LARGE1: variants seen among roughly 807,000 people sequenced by gnomAD.
LARGE1 encodes xylosyl- and glucuronyltransferase LARGE1.
Under a neutral mutation model 87.6 loss-of-function variants are expected in LARGE1, and 43 were observed. The ratio of observed to expected loss-of-function variants is 0.49; its 90% CI spans 0.38 to 0.63. The LOEUF is 0.63. Among genes scored for constraint, LARGE1 ranks in the 30% least tolerant of loss-of-function variants. LARGE1 has a pLI of 0.00. For synonymous variants in LARGE1, 434 were observed against 394.6 expected, an observed-to-expected ratio of 1.10 and a Z score of -1.18; for missense variants, 802 against 1,000.2, an observed-to-expected ratio of 0.80 and a Z score of 2.67.
In LARGE1 at chr22:33,274,476, C is replaced by T. The variant is rs747003834; in HGVS notation, c.2222G>A (p.Arg741His). The stretch of plus-strand genomic sequence containing the variant: ...ATATTTCAGGGCAGCAAAGCCGTAG[C>T]GGCGGGACATGTCCTGCTGAAACTC... Reference protein sequence around the residue: ...KEEFQQDMSRRYGFAALKYLT... With the variant: ...KEEFQQDMSRHYGFAALKYLT... The change falls in exon 15 of 15, where the codon CGC (arginine) becomes CAC (histidine). Residue 741 changes from arginine (R) to histidine (H), a missense_variant. Physicochemically the swap from Arg to His is conservative, Grantham distance 29 (BLOSUM62 0). Coordinates refer to ENST00000397394, the MANE Select transcript of LARGE1 (RefSeq NM_133642.5). 53 of 1,614,034 alleles carry T rather than the reference C, an allele frequency of 3.3e-5. No individual in the cohort carries two copies. Among genetic ancestry groups the T allele is most frequent in the African/African-American group, 6.7e-5 (5 of 74,904 alleles).
chr22:33,230,503 C>G (rs912462943), intron 11 of LARGE1, among the ~76,000 whole-genome samples: 1 of 152,100 alleles, frequency 6.6e-6, no homozygotes, highest in Non-Finnish European at 1.5e-5. Context: ...ATTTATAAAC[C>G]TAGAATTTGC....
chr22:33,781,872 G>A (rs1008346362), intron 1 of LARGE1, among the ~76,000 whole-genome samples: 1 of 152,094 alleles, frequency 6.6e-6, no homozygotes, highest in Non-Finnish European at 1.5e-5. Flanking sequence ...CAGCTCCGTG[G>A]ATAACAGAAA....
At chr22:33,112,516 G>A in the LARGE1 span, among the ~76,000 whole-genome samples, 23 of 152,330 alleles carry the variant, frequency 1.5e-4, no homozygotes, top group South Asian at 8.3e-4. Flanking sequence ...ATCACAGGGC[G>A]CATTCGGGGC....
chr22:33,449,456 T>A (rs1435856017), intron 6 of LARGE1, among the ~76,000 whole-genome samples: 1 of 152,190 alleles, frequency 6.6e-6, no homozygotes, highest in Non-Finnish European at 1.5e-5. Context: ...TCCACAGGTG[T>A]GGGTTTTAGA....
the LARGE1 span, among the ~76,000 whole-genome samples, chr22:33,074,945 T>G: frequency 2.6e-5 from 4 of 152,220 alleles, no homozygotes; most frequent in East Asian, 7.7e-4. Flanking sequence ...AACATAGGCA[T>G]GTGATAGTTA....
At chr22:33,311,735 A>G (rs1354562934) in intron 11 of LARGE1, among the ~76,000 whole-genome samples, 1 of 152,134 alleles carries the variant, frequency 6.6e-6, no homozygotes, top group East Asian at 1.9e-4. Context: ...AATAACTATC[A>G]TGTGCACATG....
At chr22:33,583,575 G>C (rs985805823) in intron 5 of LARGE1, among the ~76,000 whole-genome samples, 2 of 152,112 alleles carry the variant, frequency 1.3e-5, no homozygotes, top group African/African-American at 2.4e-5. Flanking sequence ...TAGAACCTCG[G>C]AAAGAAATTT....
the LARGE1 span, among the ~76,000 whole-genome samples, chr22:33,138,365 CTTGCTT>C: frequency 1.3e-5 from 2 of 152,120 alleles, no homozygotes; most frequent in Non-Finnish European, 2.9e-5. Context: ...AAGTAACTAA[CTTGCTT>C]TTGATTTTAC....
rs776598184 is a variant in LARGE1 at position 33,650,454 on chromosome 22, G to T, written c.321C>A (p.Gly107=). 5.0e-6 allele frequency: 8 copies of T among 1,614,014 alleles called. No homozygotes were observed. In the East Asian group the frequency reaches 1.6e-4, roughly 31 times the overall value. Reference sequence around the variant, plus strand: ...CCCGAAGGTTCTCGCTGTCTCCAGTGCCCTCCTCCATGGAGTAGGTCTTGG... The same window carrying T: ...CCCGAAGGTTCTCGCTGTCTCCAGTTCCCTCCTCCATGGAGTAGGTCTTGG... ...NHSKTYSMEE[G]TGDSENLRAG... Residue 107 remains glycine, a synonymous_variant, in exon 3 of 15, where the codon GGC becomes GGA. Coordinates refer to ENST00000397394, the MANE Select transcript of LARGE1 (RefSeq NM_133642.5).
At chr22:33,846,875 CA>C (rs1244390974) in intron 1 of LARGE1, among the ~76,000 whole-genome samples, 1 of 152,174 alleles carries the variant, frequency 6.6e-6, no homozygotes, top group East Asian at 1.9e-4. Flanking sequence ...TTATCAATGA[CA>C]ATGGTGCCCG....
intron 11 of LARGE1, among the ~76,000 whole-genome samples, chr22:33,234,082 T>C (rs975469301): frequency 2.0e-5 from 3 of 152,220 alleles, no homozygotes; most frequent in Admixed American, 6.5e-5. Context: ...AGCAAATTAA[T>C]CTACAAAAGT....
At chr22:33,451,055 C>T (rs8140106) in intron 6 of LARGE1, among the ~76,000 whole-genome samples, 50,323 of 152,018 alleles carry the variant, frequency 0.33, 9,058 homozygotes, top group African/African-American at 0.46. Context: ...CTGCCCTCTT[C>T]GGAGAGAATT....
intron 4 of LARGE1, among the ~76,000 whole-genome samples, chr22:33,606,268 G>C (rs1255334145): frequency 1.3e-5 from 2 of 151,984 alleles, no homozygotes; most frequent in Non-Finnish European, 2.9e-5. Context: ...AGCCTGGTGT[G>C]GTGGCACATG....
chr22:33,156,629 C>T, the LARGE1 span, among the ~76,000 whole-genome samples: 2 of 152,238 alleles, frequency 1.3e-5, no homozygotes, highest in South Asian at 4.2e-4. Context: ...GTGGAAGGGA[C>T]TTGCCTTGTC....
chr22:33,476,948 G>C (rs2069107905), intron 6 of LARGE1, among the ~76,000 whole-genome samples: 1 of 152,208 alleles, frequency 6.6e-6, no homozygotes, highest in Non-Finnish European at 1.5e-5. Context: ...CTTCGGCTCG[G>C]TGACAATTGC....
chr22:33,578,882 G>C (rs1311319230), intron 5 of LARGE1, among the ~76,000 whole-genome samples: 1 of 152,158 alleles, frequency 6.6e-6, no homozygotes, highest in Admixed American at 6.5e-5. Context: ...ACTGTTAGCA[G>C]AAACAAACAT....
At chr22:33,266,337 T>G (rs1462582881) in intron 11 of LARGE1, among the ~76,000 whole-genome samples, 1 of 149,516 alleles carries the variant, frequency 6.7e-6, no homozygotes. Flanking sequence ...TTATCCTGCC[T>G]CAGCCTCCCG....
intron 11 of LARGE1, among the ~76,000 whole-genome samples, chr22:33,196,128 T>TA (rs1555881696): frequency 0.062 from 6,379 of 103,036 alleles, 379 homozygotes; most frequent in African/African-American, 0.17. Flanking sequence ...CAAAGTAAAT[T>TA]AAAAAAAAAA....
At chr22:33,370,012 C>T (rs972900115) in intron 9 of LARGE1, among the ~76,000 whole-genome samples, 1 of 151,968 alleles carries the variant, frequency 6.6e-6, no homozygotes, top group Non-Finnish European at 1.5e-5. Flanking sequence ...TAACCAACAA[C>T]CTAGACATCT....
Sources: gnomAD v4.1 joint callset for allele counts (sites outside exome capture counted in the v4.1 genomes callset) on GRCh38, gnomAD v4.1.1 for gene constraint, MANE v1.5 for transcripts, NCBI Gene and HGNC (gene_info 2026-07-23, HGNC 2026-07-21) for gene names.